GXYLT2: variants seen among roughly 807,000 people sequenced by gnomAD.
GXYLT2 encodes the protein glycosyltransferase 8 domain containing 4.
GXYLT2 carries 53 observed loss-of-function variants against 45.8 expected under a neutral mutation model. The observed-to-expected ratio is 1.16, with a 90% CI of 0.93 to 1.46. The LOEUF is 1.46. GXYLT2 is among the 40% of genes most tolerant of loss of function. The pLI, the probability that GXYLT2 is intolerant of heterozygous loss-of-function variation, is 0.00. For missense variants in GXYLT2, 551 were observed against 544.4 expected, an observed-to-expected ratio of 1.01 and a Z score of -0.12; for synonymous variants, 219 against 214.2, an observed-to-expected ratio of 1.02 and a Z score of -0.19.
chr3:72,904,193 T>C (rs1362528351), intron 1 of GXYLT2, among the ~76,000 whole-genome samples: 1 of 152,234 alleles, frequency 6.6e-6, no homozygotes, highest in Non-Finnish European at 1.5e-5. Flanking sequence ...CTATCACCCA[T>C]TCCCTGCCCA....
intron 3 of GXYLT2, among the ~76,000 whole-genome samples, chr3:72,946,538 A>G (rs1710410137): frequency 6.6e-6 from 1 of 152,200 alleles, no homozygotes; most frequent in Non-Finnish European, 1.5e-5. Context: ...AGATTGATTC[A>G]GCATCTGTCT....
chr3:72,902,026 TTATTGCCAAATACTATTCCATTG>T (rs1177825544), intron 1 of GXYLT2, among the ~76,000 whole-genome samples: 4 of 152,252 alleles, frequency 2.6e-5, no homozygotes, highest in African/African-American at 9.6e-5. Context: ...TGATTCCTTT[TTATTGCCAAATACTATTCCATTG>T]TATGGATATA....
intron 1 of GXYLT2, among the ~76,000 whole-genome samples, chr3:72,889,580 T>TA (rs1673859233): frequency 6.6e-6 from 1 of 152,214 alleles, no homozygotes; most frequent in African/African-American, 2.4e-5. Flanking sequence ...TTAAAGTACT[T>TA]ATAACACTTT....
intron 2 of GXYLT2, among the ~76,000 whole-genome samples, chr3:72,909,062 C>CTTTTTTTTTTTTTTTTTTTTTTTTTTT: frequency 1.1e-5 from 1 of 91,120 alleles, no homozygotes; most frequent in Non-Finnish European, 2.1e-5. Flanking sequence ...TTCTTCCTTT[C>CTTTTTTTTTTTTTTTTTTTTTTTTTTT]TTTTTTTTTT....
chr3:72,907,023 A>G (rs751579458), intron 1 of GXYLT2, among the ~76,000 whole-genome samples: 1 of 152,154 alleles, frequency 6.6e-6, no homozygotes, highest in African/African-American at 2.4e-5. Flanking sequence ...TAAAGATAAG[A>G]TTGGAGACAG....
intron 3 of GXYLT2, among the ~76,000 whole-genome samples, chr3:72,944,571 G>T (rs866394980): frequency 6.6e-6 from 1 of 152,012 alleles, no homozygotes; most frequent in Admixed American, 6.6e-5. Flanking sequence ...ATGTATGTAG[G>T]TGATATCTTC....
At chr3:72,935,940 C>T (rs746910388) in intron 3 of GXYLT2, among the ~76,000 whole-genome samples, 11 of 151,966 alleles carry the variant, frequency 7.2e-5, no homozygotes, top group Non-Finnish European at 1.2e-4. Context: ...TCAAAGGGGA[C>T]GTGAAAGGAG....
Position 72,955,281 on chromosome 3 carries a change from G to A in GXYLT2, c.784G>A (p.Gly262Ser), listed in dbSNP as rs558211454. The change falls in exon 4 of 7, where the codon GGC becomes AGC. Residue 262 changes from glycine to serine, a missense_variant. Transcript: ENST00000389617. ...YSRFARHPFY[G>S]SAGVNSGVML... Reference sequence around the variant, plus strand: ...CCGCTTTGCTAGGCATCCTTTCTATGGCTCTGCAGGAGTTAATTCAGGAGT... The same window carrying A: ...CCGCTTTGCTAGGCATCCTTTCTATAGCTCTGCAGGAGTTAATTCAGGAGT... The A allele has an allele frequency of 6.2e-7, 1 of 1,613,998 alleles. No homozygotes were observed. Among genetic ancestry groups the A allele is most frequent in the Admixed American group, 1.7e-5 (1 of 60,022 alleles).
intron 2 of GXYLT2, among the ~76,000 whole-genome samples, chr3:72,913,336 C>T (rs1475129559): frequency 1.3e-5 from 2 of 151,678 alleles, no homozygotes; most frequent in Non-Finnish European, 2.9e-5. Context: ...CCGCGCCCGG[C>T]CTCCTCAGGT....
chr3:72,917,141 T>C (rs771776086), intron 2 of GXYLT2, among the ~76,000 whole-genome samples: 1 of 152,102 alleles, frequency 6.6e-6, no homozygotes, highest in South Asian at 2.1e-4. Context: ...GGGTCTCACA[T>C]TGTCATCCAG....
At chr3:72,928,850 G>T (rs894049573) in intron 3 of GXYLT2, among the ~76,000 whole-genome samples, 1 of 152,084 alleles carries the variant, frequency 6.6e-6, no homozygotes. Context: ...TTTGCCAGAC[G>T]TTCCTCGCCG....
intron 3 of GXYLT2, among the ~76,000 whole-genome samples, chr3:72,950,640 A>G (rs1710504714): frequency 6.6e-6 from 1 of 151,702 alleles, no homozygotes. Flanking sequence ...AAAAAAAAAA[A>G]TGGGCCAAAA....
At chr3:72,964,108 C>T (rs113914913) in intron 5 of GXYLT2, among the ~76,000 whole-genome samples, 4,850 of 152,154 alleles carry the variant, frequency 0.032, 258 homozygotes, top group African/African-American at 0.11. Context: ...CCATGCCCGG[C>T]CTTGGCTTCT....
intron 3 of GXYLT2, chr3:72,929,132 G>A (rs996253298): frequency 6.3e-7 from 1 of 1,589,534 alleles, no homozygotes. Flanking sequence ...GGAGCTCTAC[G>A]CCTCCTACGT....
At chr3:72,932,304 T>C (rs547720684) in intron 3 of GXYLT2, among the ~76,000 whole-genome samples, 42 of 152,296 alleles carry the variant, frequency 2.8e-4, no homozygotes, top group African/African-American at 1.0e-3. Context: ...TTGATCCACC[T>C]GCCTCAGCCT....
At chr3:72,897,458 A>G (rs1366138905) in intron 1 of GXYLT2, among the ~76,000 whole-genome samples, 1 of 152,116 alleles carries the variant, frequency 6.6e-6, no homozygotes, top group Non-Finnish European at 1.5e-5. Flanking sequence ...GCCTCTGTTG[A>G]CCTCACTTGA....
intron 3 of GXYLT2, among the ~76,000 whole-genome samples, chr3:72,944,128 C>T (rs1026530100): frequency 6.6e-5 from 10 of 152,058 alleles, no homozygotes; most frequent in Non-Finnish European, 1.3e-4. Context: ...CTTTCTCTCA[C>T]CCAGGCTGGA....
intron 3 of GXYLT2, among the ~76,000 whole-genome samples, chr3:72,924,794 AG>A (rs1709890089): frequency 6.6e-6 from 1 of 152,160 alleles, no homozygotes; most frequent in South Asian, 2.1e-4. Context: ...ACAACTGTTA[AG>A]GTTGATCCAT....
intron 3 of GXYLT2, chr3:72,929,177 G>T: frequency 1.3e-6 from 2 of 1,589,144 alleles, no homozygotes; most frequent in Non-Finnish European, 1.7e-6. Flanking sequence ...TGACCGCGAT[G>T]ATGTGGCTTT....
Sources: gnomAD v4.1 joint callset for allele counts (sites outside exome capture counted in the v4.1 genomes callset) on GRCh38, gnomAD v4.1.1 for gene constraint, MANE v1.5 for transcripts, NCBI Gene and HGNC (gene_info 2026-07-23, HGNC 2026-07-21) for gene names.